The following UGT1A10 variants were observed in gnomAD, a reference collection of about 807,000 sequenced individuals.
The protein encoded by UGT1A10 is UDP-glucuronosyltransferase 1A10.
In UGT1A10, 49 loss-of-function variants were observed where a neutral mutation model predicts 45.8. That is an observed-to-expected ratio of 1.07 (90% CI 0.85 to 1.36). The LOEUF (loss-of-function observed/expected upper bound fraction) is 1.36. UGT1A10 is among the 40% of genes most tolerant of loss of function. The probability of loss-of-function intolerance (pLI) is 0.00; values close to 1 mark genes in which losing one functional copy is unlikely to be tolerated. For missense variants in UGT1A10, 745 were observed against 668.6 expected, an observed-to-expected ratio of 1.11 and a Z score of -1.26; for synonymous variants, 284 against 249.7, an observed-to-expected ratio of 1.14 and a Z score of -1.29.
chr2:233,734,899 T>C (rs182449879), intron 1 of UGT1A10, among the ~76,000 whole-genome samples: 2 of 152,328 alleles, frequency 1.3e-5, no homozygotes, highest in East Asian at 3.9e-4. Flanking sequence ...TGATTTCTAT[T>C]CTTTTACATT....
At chr2:233,658,514 T>C (rs1166615486) in intron 1 of UGT1A10, among the ~76,000 whole-genome samples, 1 of 152,214 alleles carries the variant, frequency 6.6e-6, no homozygotes, top group Non-Finnish European at 1.5e-5. Flanking sequence ...TCATCTCCTG[T>C]ACCGTGTGAC....
intron 1 of UGT1A10, among the ~76,000 whole-genome samples, chr2:233,727,544 G>A (rs191237726): frequency 2.0e-5 from 3 of 152,260 alleles, no homozygotes; most frequent in South Asian, 2.1e-4. Flanking sequence ...TGTTCCACCC[G>A]TCACCTGGGC....
At chr2:233,652,446 G>A (rs2073763744) in intron 1 of UGT1A10, among the ~76,000 whole-genome samples, 1 of 151,932 alleles carries the variant, frequency 6.6e-6, no homozygotes, top group African/African-American at 2.4e-5. Flanking sequence ...TGGAAATGCT[G>A]GAGATATCAT....
At chr2:233,729,915 G>A in intron 1 of UGT1A10, 3 of 1,613,956 alleles carry the variant, frequency 1.9e-6, no homozygotes, top group Middle Eastern at 3.3e-4. Context: ...ACTTTGTGAT[G>A]GACTACCCCA....
intron 1 of UGT1A10, among the ~76,000 whole-genome samples, chr2:233,764,460 T>C (rs1698566935): frequency 6.6e-6 from 1 of 152,182 alleles, no homozygotes; most frequent in East Asian, 1.9e-4. Flanking sequence ...ACTTTCGTGA[T>C]CTCCTGCTAT....
Position 233,637,342 on chromosome 2 carries a change from G to T in UGT1A10, c.820G>T (p.Gly274Cys). 6.2e-7 allele frequency: 1 copy of T among 1,613,740 alleles called. No homozygotes were observed. The highest frequency in any genetic ancestry group is 8.5e-7 in the Non-Finnish European group (1 of 1,179,798). The change falls in exon 1 of 5, where the codon GGT becomes TGT. Residue 274 changes from glycine to cysteine, a missense_variant. Gly to Cys is a radical substitution (Grantham distance 159). Transcript: ENST00000344644. Reference protein sequence around the residue: ...PVMPNMIFIGGINCHQGKPLP... With the variant: ...PVMPNMIFIGCINCHQGKPLP... The stretch of plus-strand genomic sequence containing the variant: ...GATGCCCAACATGATCTTCATTGGT[G>T]GTATCAACTGTCATCAGGGAAAGCC...
At chr2:233,696,304 T>A (rs777870928) in intron 1 of UGT1A10, among the ~76,000 whole-genome samples, 2 of 152,196 alleles carry the variant, frequency 1.3e-5, no homozygotes, top group Non-Finnish European at 2.9e-5. Context: ...TCGTGAAATA[T>A]ATATTTGGTC....
intron 1 of UGT1A10, among the ~76,000 whole-genome samples, chr2:233,717,359 G>A (rs1445197298): frequency 6.6e-6 from 1 of 152,216 alleles, no homozygotes; most frequent in Non-Finnish European, 1.5e-5. Flanking sequence ...CCCCTGGGGA[G>A]TTCTCAAGCC....
intron 1 of UGT1A10, among the ~76,000 whole-genome samples, chr2:233,750,128 G>A (rs1357269719): frequency 6.6e-6 from 1 of 151,932 alleles, no homozygotes; most frequent in Non-Finnish European, 1.5e-5. Flanking sequence ...ATGTGGGAAA[G>A]TTTGGAACTT....
chr2:233,763,738 G>A (rs1302450820), intron 1 of UGT1A10, among the ~76,000 whole-genome samples: 6 of 152,164 alleles, frequency 3.9e-5, no homozygotes, highest in Non-Finnish European at 8.8e-5. Flanking sequence ...TGGCATTGGC[G>A]TGTCTTTGGT....
rs762748984 is a variant in UGT1A10 at position 233,755,099 on chromosome 2, C to T, written c.856-11935C>T. On this transcript the variant is annotated intron_variant, in intron 1 of 4. Transcript: ENST00000344644. ...CATAGATATCGCGTTTCTACGCGTCCGACAACACCTCGTAGGCCTCAGCCA... is the reference window on the plus strand; with the variant it reads ...CATAGATATCGCGTTTCTACGCGTCTGACAACACCTCGTAGGCCTCAGCCA... The T allele has an allele frequency of 6.0e-6, 8 of 1,334,956 alleles. 1 individual carries two copies. In the South Asian group the frequency reaches 8.0e-5, roughly 13 times the overall value. The allele number at this position is 1,334,956 out of a possible 1,614,324, so 82.7% of individuals were successfully genotyped here.
At chr2:233,754,396 GT>G in intron 1 of UGT1A10, 1 of 330,590 alleles carries the variant, frequency 3.0e-6, no homozygotes, top group South Asian at 2.6e-5. Flanking sequence ...GGTCCTATCC[GT>G]GCAGTCCCAA....
intron 1 of UGT1A10, among the ~76,000 whole-genome samples, chr2:233,647,465 T>A (rs2073634610): frequency 6.6e-6 from 1 of 152,224 alleles, no homozygotes; most frequent in African/African-American, 2.4e-5. Context: ...TTGGTATTAT[T>A]TCTTCCTTCA....
At chr2:233,770,514 C>G (rs191930447) in intron 4 of UGT1A10, 1 of 152,018 alleles carries the variant, frequency 6.6e-6, no homozygotes, top group Non-Finnish European at 1.5e-5. Flanking sequence ...AAAAATTACC[C>G]AGGCATGGTG....
chr2:233,764,038 A>G (rs1698463579), intron 1 of UGT1A10, among the ~76,000 whole-genome samples: 1 of 152,218 alleles, frequency 6.6e-6, no homozygotes, highest in East Asian at 1.9e-4. Flanking sequence ...CTAAAGAAGA[A>G]TTCTGGGAAA....
intron 1 of UGT1A10, among the ~76,000 whole-genome samples, chr2:233,728,596 G>A (rs2077730910): frequency 6.6e-6 from 1 of 152,160 alleles, no homozygotes; most frequent in South Asian, 2.1e-4. Flanking sequence ...AAACCACATA[G>A]CCAGCCTCCA....
intron 1 of UGT1A10, among the ~76,000 whole-genome samples, chr2:233,695,847 GT>G (rs912081326): frequency 5.5e-4 from 84 of 152,232 alleles, no homozygotes; most frequent in African/African-American, 1.8e-3. Flanking sequence ...GGTTTTTCCT[GT>G]TTTCTCACTC....
At chr2:233,725,697 GTAGT>G (rs2077468291) in intron 1 of UGT1A10, among the ~76,000 whole-genome samples, 1 of 152,126 alleles carries the variant, frequency 6.6e-6, no homozygotes, top group South Asian at 2.1e-4. Flanking sequence ...ATAGTCATAT[GTAGT>G]TAGTGACTAC....
In UGT1A10 at chr2:233,676,858, G is replaced by C. The variant is rs28969707; in HGVS notation, c.855+39481G>C. Among the ~76,000 whole-genome samples, 1,477 of 152,198 alleles carry C rather than the reference G, an allele frequency of 9.7e-3. 36 individuals carry two copies. Among genetic ancestry groups the C allele is most frequent in the African/African-American group, 0.033 (1,385 of 41,530 alleles). On this transcript the variant is annotated intron_variant, in intron 1 of 4. Transcript: ENST00000344644. ...ACCTTTTCTCCACTGCATTGCCTTT[G>C]TACCTTTGTAAAAACTTGGTTGTTC...
Sources: gnomAD v4.1 joint callset for allele counts (sites outside exome capture counted in the v4.1 genomes callset) on GRCh38, gnomAD v4.1.1 for gene constraint, MANE v1.5 for transcripts, NCBI Gene and HGNC (gene_info 2026-07-23, HGNC 2026-07-21) for gene names.